AVEN: variants seen among roughly 807,000 people sequenced by gnomAD.
AVEN encodes apoptosis and caspase activation inhibitor, also known as cell death regulator Aven.
A neutral mutation model predicts 38.1 loss-of-function variants in AVEN; 41 were observed. The observed-to-expected ratio is 1.08, with a 90% confidence interval of 0.84 to 1.40. The LOEUF (loss-of-function observed/expected upper bound fraction) is 1.40, where lower values mean the gene tolerates loss of function less well. Among genes scored for constraint, AVEN ranks in the 40% most tolerant of loss-of-function variants. The pLI is 0.00. For synonymous variants in AVEN, 206 were observed against 171.8 expected (o/e 1.20, Z -1.56); for missense variants, 605 against 438.8 (o/e 1.38, Z -3.38).
chr15:33,875,806 G>A (rs1891199296), intron 3 of AVEN, 119 bp downstream of exon 3: 1 of 956,228 alleles, frequency 1.0e-6, no homozygotes, highest in East Asian at 2.6e-5. Flanking sequence ...TTAGCTGAGG[G>A]TACACTGTAA....
intron 5 of AVEN, among the ~76,000 whole-genome samples, chr15:34,059,495 GC>G (rs1900266152): frequency 6.6e-6 from 1 of 152,162 alleles, no homozygotes; most frequent in South Asian, 2.1e-4. Context: ...TCTGGAAATA[GC>G]TGACACAGCT....
At chr15:33,902,719 T>C (rs532245054) in intron 2 of AVEN, among the ~76,000 whole-genome samples, 1 of 152,236 alleles carries the variant, frequency 6.6e-6, no homozygotes, top group Admixed American at 6.5e-5. Context: ...AGTTGCAATA[T>C]ACAAAATCAA....
intron 2 of AVEN, among the ~76,000 whole-genome samples, chr15:33,947,214 G>A (rs115607792): frequency 0.023 from 3,471 of 152,268 alleles, 65 homozygotes; most frequent in African/African-American, 0.047. Flanking sequence ...ACCACGGACA[G>A]AAAATGCTGG....
At chr15:33,926,144 T>A (rs1271199451) in intron 2 of AVEN, among the ~76,000 whole-genome samples, 1 of 151,920 alleles carries the variant, frequency 6.6e-6, no homozygotes, top group South Asian at 2.1e-4. Flanking sequence ...GAAAAGTATT[T>A]CCCAGAGTCT....
chr15:33,924,367 C>CAA (rs1439645756), intron 2 of AVEN, among the ~76,000 whole-genome samples: 26 of 133,614 alleles, frequency 1.9e-4, no homozygotes, highest in African/African-American at 6.9e-4. Flanking sequence ...GAGACTGTCT[C>CAA]AAAAAAAAAA....
At chr15:34,037,134 A>G (rs1230828706) in intron 1 of AVEN, among the ~76,000 whole-genome samples, 1 of 151,790 alleles carries the variant, frequency 6.6e-6, no homozygotes, top group African/African-American at 2.4e-5. Context: ...AATATATACC[A>G]TCATTTCACC....
chr15:33,960,806 T>C (rs1006009581), intron 2 of AVEN, among the ~76,000 whole-genome samples: 17 of 152,166 alleles, frequency 1.1e-4, no homozygotes, highest in South Asian at 4.1e-4. Context: ...TCCATTCAGC[T>C]GTGTGGGAGC....
rs539584220 is a variant in AVEN, at chr15:34,060,876, C to A, written n.1637+2046G>T. Among the ~76,000 whole-genome samples, 179 of 151,664 alleles carry A rather than the reference C, an allele frequency of 1.2e-3. 1 individual carries two copies. Among genetic ancestry groups the A allele is most frequent in the African/African-American group, 4.1e-3 (171 of 41,352 alleles). On this transcript the variant is annotated intron_variant and non_coding_transcript_variant, in intron 5 of 11. Transcript: ENST00000675287. ...CAAGGGCAAGACTCTGTTAGCCGGG[C>A]GTGGTGGCAGGCGCCTGTAGTCCCA...
chr15:34,054,115 A>T (rs1396241601), intron 5 of AVEN, among the ~76,000 whole-genome samples: 1 of 152,208 alleles, frequency 6.6e-6, no homozygotes, highest in African/African-American at 2.4e-5. Context: ...ATGCAAATCA[A>T]AAACACAATG....
At chr15:34,037,784 T>C (rs1899217824) in intron 1 of AVEN, among the ~76,000 whole-genome samples, 1 of 152,166 alleles carries the variant, frequency 6.6e-6, no homozygotes, top group Non-Finnish European at 1.5e-5. Context: ...AGCTCTGTAT[T>C]GCTGTATACA....
chr15:33,890,859 C>A (rs1349230729), intron 2 of AVEN, among the ~76,000 whole-genome samples: 2 of 152,164 alleles, frequency 1.3e-5, no homozygotes, highest in Non-Finnish European at 2.9e-5. Context: ...CAGCTGTAAT[C>A]CCAGCACTTT....
upstream of AVEN, among the ~76,000 whole-genome samples, chr15:34,041,202 C>G (rs1312312030): frequency 6.6e-6 from 1 of 152,138 alleles, no homozygotes; most frequent in Non-Finnish European, 1.5e-5. Context: ...AACCCCTCTC[C>G]CCCTCATTAA....
chr15:34,033,007 A>G (rs375290483), intron 1 of AVEN, among the ~76,000 whole-genome samples: 24 of 152,354 alleles, frequency 1.6e-4, no homozygotes, highest in Middle Eastern at 3.4e-3. Context: ...ACTGAGTGAC[A>G]TTGATATGGC....
At chr15:34,009,875 G>A (rs944588573) in intron 1 of AVEN, among the ~76,000 whole-genome samples, 1 of 152,080 alleles carries the variant, frequency 6.6e-6, no homozygotes, top group Non-Finnish European at 1.5e-5. Context: ...TGTAGTCCTA[G>A]CACTTGAGCC....
chr15:34,014,377 AAAAAAAACAAAAAC>A (rs1333010048), intron 1 of AVEN, among the ~76,000 whole-genome samples: 6 of 112,530 alleles, frequency 5.3e-5, no homozygotes, highest in African/African-American at 5.9e-5. Flanking sequence ...TAAAAAAAAA[AAAAAAAACAAAAAC>A]AAAAACCACG....
At chr15:34,075,153 G>A (rs1900703390) in exon 1 of AVEN, among the ~76,000 whole-genome samples, 1 of 135,384 alleles carries the variant, frequency 7.4e-6, no homozygotes, top group Non-Finnish European at 1.5e-5. Flanking sequence ...CTGCACTCCA[G>A]CCTGGGCAAA....
chr15:34,030,472 A>C (rs145004301), intron 1 of AVEN, among the ~76,000 whole-genome samples: 6,671 of 151,928 alleles, frequency 0.044, 676 homozygotes, highest in East Asian at 0.34. Flanking sequence ...CAGCCTCTCA[A>C]GTAGCTGGGA....
At chr15:33,853,533 A>C in the AVEN span, 1 of 1,611,538 alleles carries the variant, frequency 6.2e-7, no homozygotes, top group African/African-American at 1.3e-5. Flanking sequence ...GCCTGAGCTC[A>C]CCCTGTCATC....
At chr15:33,962,209 T>C (rs1895216010) in intron 2 of AVEN, among the ~76,000 whole-genome samples, 1 of 152,236 alleles carries the variant, frequency 6.6e-6, no homozygotes, top group South Asian at 2.1e-4. Context: ...TTTAAAAAAA[T>C]AACATGTAAC....
Sources: gnomAD v4.1 joint callset for allele counts (sites outside exome capture counted in the v4.1 genomes callset) on GRCh38, gnomAD v4.1.1 for gene constraint, MANE v1.5 for transcripts, NCBI Gene and HGNC (gene_info 2026-07-23, HGNC 2026-07-21) for gene names.